CDKAL1: variants seen among roughly 807,000 people sequenced by gnomAD.
CDKAL1 encodes threonylcarbamoyladenosine tRNA methylthiotransferase.
A neutral mutation model predicts 68.2 loss-of-function variants in CDKAL1; 32 were observed. The observed-to-expected ratio is 0.47, with a 90% CI of 0.35 to 0.63. CDKAL1 has a LOEUF of 0.63. Ranked by LOEUF, CDKAL1 falls within the 30% of genes least tolerant of loss-of-function variation. The pLI is 0.00. For missense variants in CDKAL1, 606 were observed against 696.7 expected (o/e 0.87, Z 1.47); for synonymous variants, 234 against 244.3 (o/e 0.96, Z 0.39).
At chr6:21,172,081 A>C (rs1777409960) in intron 13 of CDKAL1, among the ~76,000 whole-genome samples, 1 of 152,172 alleles carries the variant, frequency 6.6e-6, no homozygotes, top group South Asian at 2.1e-4. Flanking sequence ...ACATATTTTA[A>C]GGGAACATGG....
chr6:20,700,926 A>G (rs1771325395), intron 5 of CDKAL1, among the ~76,000 whole-genome samples: 2 of 150,574 alleles, frequency 1.3e-5, no homozygotes, highest in Non-Finnish European at 3.0e-5. Context: ...TTTTTATGTA[A>G]TCTGTTTCTA....
At position 20,994,720 on chromosome 6, in the gene CDKAL1, A is replaced by G. The variant is rs183311080; in HGVS notation, c.910-5507A>G. 3.9e-4 allele frequency among the ~76,000 whole-genome samples: 60 copies of G among 152,314 alleles called. 1 individual carries two copies. Among genetic ancestry groups the G allele is most frequent in the African/African-American group, 1.3e-3 (54 of 41,560 alleles). ...AAAAGTTATGTTTATACTATATTAT[A>G]GTCTAGTAAGTATACAATAGCGTTA... On this transcript the variant is annotated intron_variant, in intron 10 of 15. Transcript: ENST00000274695.
At chr6:20,565,037 A>G (rs1024260285) in intron 4 of CDKAL1, among the ~76,000 whole-genome samples, 90 of 152,296 alleles carry the variant, frequency 5.9e-4, no homozygotes, top group Middle Eastern at 3.4e-3. Context: ...AGTTAGACGG[A>G]AACCTCCTGA....
At chr6:20,751,341 C>T (rs948094558) in intron 6 of CDKAL1, among the ~76,000 whole-genome samples, 7 of 152,176 alleles carry the variant, frequency 4.6e-5, no homozygotes, top group African/African-American at 1.7e-4. Flanking sequence ...GCTCCCTTAG[C>T]CATTCCCTAA....
chr6:21,198,412 AG>A (rs894691717), intron 14 of CDKAL1, among the ~76,000 whole-genome samples: 1 of 152,136 alleles, frequency 6.6e-6, no homozygotes, highest in Non-Finnish European at 1.5e-5. Flanking sequence ...CTGGCAAAGC[AG>A]GGGGGAAAGT....
intron 5 of CDKAL1, among the ~76,000 whole-genome samples, chr6:20,701,060 A>T (rs1771331785): frequency 6.6e-6 from 1 of 152,116 alleles, no homozygotes; most frequent in Admixed American, 6.5e-5. Context: ...AATAATACAA[A>T]ATTTCGATGA....
intron 5 of CDKAL1, among the ~76,000 whole-genome samples, chr6:20,677,877 C>T (rs2127787989): frequency 6.6e-6 from 1 of 152,066 alleles, no homozygotes; most frequent in East Asian, 1.9e-4. Flanking sequence ...GTTTTTATTT[C>T]TCCTTTCACC....
intron 9 of CDKAL1, among the ~76,000 whole-genome samples, chr6:20,883,532 C>T (rs1206199592): frequency 6.6e-6 from 1 of 152,148 alleles, no homozygotes; most frequent in African/African-American, 2.4e-5. Flanking sequence ...GACTGCGCAA[C>T]CGAATGTTTC....
intron 8 of CDKAL1, among the ~76,000 whole-genome samples, chr6:20,844,518 GAAACCC>G (rs899818590): frequency 2.6e-5 from 4 of 151,852 alleles, no homozygotes; most frequent in African/African-American, 9.7e-5. Flanking sequence ...TCAAGATAGG[GAAACCC>G]AACTCTGAAA....
At chr6:21,098,866 AACAAGAC>A (rs1214101713) in intron 12 of CDKAL1, among the ~76,000 whole-genome samples, 1 of 152,148 alleles carries the variant, frequency 6.6e-6, no homozygotes, top group Non-Finnish European at 1.5e-5. Context: ...CTCTCTAAGG[AACAAGAC>A]ACTGCCTTTG....
chr6:20,881,082 T>C (rs1163348208), intron 9 of CDKAL1, among the ~76,000 whole-genome samples: 1 of 152,220 alleles, frequency 6.6e-6, no homozygotes, highest in African/African-American at 2.4e-5. Context: ...TTAAACAGAC[T>C]ATTGACATCT....
chr6:21,035,861 A>G (rs770524899), intron 11 of CDKAL1, among the ~76,000 whole-genome samples: 1 of 152,194 alleles, frequency 6.6e-6, no homozygotes, highest in Non-Finnish European at 1.5e-5. Context: ...CTGAGCATTT[A>G]GCACTTGGAA....
intron 7 of CDKAL1, among the ~76,000 whole-genome samples, chr6:20,761,626 G>A (rs769267432): frequency 1.3e-5 from 2 of 152,106 alleles, no homozygotes; most frequent in Non-Finnish European, 2.9e-5. Context: ...ATGACATAGA[G>A]GGACTTTAAA....
At chr6:20,782,243 G>A (rs1003407436) in intron 8 of CDKAL1, among the ~76,000 whole-genome samples, 1 of 152,076 alleles carries the variant, frequency 6.6e-6, no homozygotes, top group Non-Finnish European at 1.5e-5. Flanking sequence ...AAAGTCATTC[G>A]GTTTTTCCCA....
At chr6:20,773,272 G>A (rs1045263475) in intron 7 of CDKAL1, among the ~76,000 whole-genome samples, 1 of 152,114 alleles carries the variant, frequency 6.6e-6, no homozygotes. Context: ...ACTTTAGTGT[G>A]AATACCTACC....
At chr6:20,775,177 C>T (rs1023527854) in intron 7 of CDKAL1, among the ~76,000 whole-genome samples, 1 of 152,128 alleles carries the variant, frequency 6.6e-6, no homozygotes, top group African/African-American at 2.4e-5. Context: ...ACCATCTCCT[C>T]GGTGGCCTCA....
At chr6:20,894,347 A>T (rs1761561930) in intron 9 of CDKAL1, among the ~76,000 whole-genome samples, 1 of 151,424 alleles carries the variant, frequency 6.6e-6, no homozygotes, top group South Asian at 2.1e-4. Context: ...ATTTACCAGT[A>T]CTAGAACTTG....
intron 11 of CDKAL1, among the ~76,000 whole-genome samples, chr6:21,060,805 GAATT>G (rs1771104451): frequency 6.6e-6 from 1 of 151,978 alleles, no homozygotes; most frequent in South Asian, 2.1e-4. Context: ...CACAGGATAA[GAATT>G]ATTTATTTTA....
chr6:20,641,042 G>A (rs1561989264), intron 4 of CDKAL1, among the ~76,000 whole-genome samples: 1 of 152,170 alleles, frequency 6.6e-6, no homozygotes, highest in Non-Finnish European at 1.5e-5. Context: ...AGTTTGGAAA[G>A]TAAAGTGTTT....
Sources: allele counts gnomAD v4.1 joint callset (sites outside exome capture counted in the v4.1 genomes callset), GRCh38; gene constraint gnomAD v4.1.1; transcripts MANE v1.5; gene names NCBI Gene and HGNC (gene_info 2026-07-23, HGNC 2026-07-21).